The following MAGI2 variants were observed in gnomAD, a reference collection of about 807,000 sequenced individuals.
MAGI2 encodes the protein membrane-associated guanylate kinase, WW and PDZ domain-containing protein 2.
Under a neutral mutation model 133.3 loss-of-function variants are expected in MAGI2, and 35 were observed. The ratio of observed to expected loss-of-function variants is 0.26; its 90% CI spans 0.20 to 0.35. MAGI2 has a LOEUF of 0.35. MAGI2 is among the 10% of genes least tolerant of loss of function. The pLI, the probability that MAGI2 is intolerant of heterozygous loss-of-function variation, is 1.00. For missense variants in MAGI2, 1,636 were observed against 1,863.4 expected (o/e 0.88, Z 2.25); for synonymous variants, 729 against 710.6 (o/e 1.03, Z -0.41).
At chr7:78,905,275 G>T (rs1372844322) in intron 2 of MAGI2, among the ~76,000 whole-genome samples, 1 of 152,128 alleles carries the variant, frequency 6.6e-6, no homozygotes, top group Non-Finnish European at 1.5e-5. Flanking sequence ...ACCGTGCCGT[G>T]CAAGCCAAAA....
intron 6 of MAGI2, among the ~76,000 whole-genome samples, chr7:78,480,688 A>G (rs1204826445): frequency 6.6e-6 from 1 of 151,894 alleles, no homozygotes; most frequent in Non-Finnish European, 1.5e-5. Context: ...GAAATCTACC[A>G]AAAAATTTCC....
chr7:78,571,104 T>C (rs1280505694), intron 3 of MAGI2, among the ~76,000 whole-genome samples: 1 of 152,234 alleles, frequency 6.6e-6, no homozygotes, highest in East Asian at 1.9e-4. Flanking sequence ...TCTGTCATGT[T>C]GATTTAGTTT....
rs1355081151 is a variant in MAGI2, at chr7:78,346,022, C to A, written c.1125G>T (p.Gln375His). ...YYVDHINRRT[Q>H]FENPVLEAKR... Reference sequence around the variant, plus strand: ...TTGCTTCCAGGACAGGATTTTCAAACTGTGTTCTTCTATTTATGTGGCTAA... The same window carrying A: ...TTGCTTCCAGGACAGGATTTTCAAAATGTGTTCTTCTATTTATGTGGCTAA... The change falls in exon 8 of 22, where the codon CAG (glutamine) becomes CAT (histidine). Residue 375 changes from glutamine to histidine, a missense_variant. Physicochemically the swap from Gln to His is conservative, Grantham distance 24. Around this residue, in one of 5 missense-constraint regions of MAGI2, gnomAD observed 920 missense variants for 1,093.5 expected, o/e 0.84. Coordinates refer to ENST00000354212, the MANE Select transcript of MAGI2 (RefSeq NM_012301.4). The A allele has an allele frequency of 1.9e-6, 3 of 1,613,938 alleles. No individual in the cohort carries two copies. The highest frequency in any genetic ancestry group is 3.3e-5 in the Admixed American group (2 of 59,990).
At chr7:79,088,466 A>C (rs1180928823) in intron 1 of MAGI2, among the ~76,000 whole-genome samples, 1 of 152,096 alleles carries the variant, frequency 6.6e-6, no homozygotes, top group Non-Finnish European at 1.5e-5. Context: ...AACAGAGACA[A>C]TTTGACTTCC....
At chr7:78,725,876 C>G (rs1024620601) in intron 2 of MAGI2, among the ~76,000 whole-genome samples, 1 of 152,078 alleles carries the variant, frequency 6.6e-6, no homozygotes, top group Non-Finnish European at 1.5e-5. Flanking sequence ...AGCTCATGAC[C>G]CAGCTCTTTT....
intron 1 of MAGI2, among the ~76,000 whole-genome samples, chr7:79,311,837 G>T (rs1436159292): frequency 1.3e-5 from 2 of 151,878 alleles, no homozygotes; most frequent in East Asian, 1.9e-4. Flanking sequence ...ACTCTATACC[G>T]CAAGCTACTT....
chr7:78,381,610 A>G (rs1299144985), intron 6 of MAGI2, among the ~76,000 whole-genome samples: 1 of 152,214 alleles, frequency 6.6e-6, no homozygotes, highest in Non-Finnish European at 1.5e-5. Context: ...GGAAGGGAAA[A>G]AAACCTAACC....
chr7:79,066,471 T>G (rs959806004), intron 1 of MAGI2, among the ~76,000 whole-genome samples: 2 of 152,112 alleles, frequency 1.3e-5, no homozygotes, highest in Non-Finnish European at 2.9e-5. Flanking sequence ...TATTAGCCCT[T>G]TTTCAGATGG....
At chr7:78,200,559 A>G (rs116007136) in intron 11 of MAGI2, among the ~76,000 whole-genome samples, 29 of 152,234 alleles carry the variant, frequency 1.9e-4, no homozygotes, top group African/African-American at 6.7e-4. Context: ...GCTTAAATAT[A>G]CGTGTGTGTG....
intron 1 of MAGI2, among the ~76,000 whole-genome samples, chr7:79,249,554 A>T (rs1833079351): frequency 6.6e-6 from 1 of 152,320 alleles, no homozygotes; most frequent in African/African-American, 2.4e-5. Flanking sequence ...CCTAGAAAAT[A>T]GGATGAATTC....
At chr7:79,304,416 C>A (rs1459057029) in intron 1 of MAGI2, among the ~76,000 whole-genome samples, 1 of 98,394 alleles carries the variant, frequency 1.0e-5, no homozygotes, top group Non-Finnish European at 2.7e-5. Context: ...TTTTTTCTTC[C>A]TTAGATACTC....
intron 7 of MAGI2, chr7:78,352,853 A>G (rs1459578663): frequency 6.6e-6 from 1 of 152,214 alleles, no homozygotes; most frequent in Non-Finnish European, 1.5e-5. Context: ...TTATATATAA[A>G]GGAAGATTCA....
chr7:78,469,734 G>T (rs916013801), intron 6 of MAGI2, among the ~76,000 whole-genome samples: 13 of 152,162 alleles, frequency 8.5e-5, no homozygotes, highest in African/African-American at 3.1e-4. Context: ...CTTTACCTCT[G>T]GGATGAGATT....
chr7:78,671,613 C>T (rs1385385771), intron 2 of MAGI2, among the ~76,000 whole-genome samples: 1 of 152,122 alleles, frequency 6.6e-6, no homozygotes, highest in African/African-American at 2.4e-5. Context: ...TACCCTCAAA[C>T]TTGATAATCA....
chr7:78,606,833 TTTTC>T (rs1611034), intron 3 of MAGI2, among the ~76,000 whole-genome samples: 93,986 of 151,466 alleles, frequency 0.62, 29,655 homozygotes, highest in Middle Eastern at 0.73. Context: ...CCTCCCACAA[TTTTC>T]TTTATGTTTT....
chr7:78,661,018 G>A (rs773203877), intron 2 of MAGI2, among the ~76,000 whole-genome samples: 2 of 152,008 alleles, frequency 1.3e-5, no homozygotes, highest in Non-Finnish European at 2.9e-5. Context: ...GTCCACTCCC[G>A]TCGTTCTATT....
At chr7:78,137,956 A>T (rs1822338704) in intron 16 of MAGI2, among the ~76,000 whole-genome samples, 1 of 152,174 alleles carries the variant, frequency 6.6e-6, no homozygotes, top group Non-Finnish European at 1.5e-5. Flanking sequence ...ATATGTATAT[A>T]TATGTTTAAA....
chr7:78,407,938 T>C (rs1277022014), intron 6 of MAGI2, among the ~76,000 whole-genome samples: 1 of 151,898 alleles, frequency 6.6e-6, no homozygotes, highest in Non-Finnish European at 1.5e-5. Flanking sequence ...CGGAACCTTG[T>C]ACTTTGTTGC....
rs1348571514 is a variant in MAGI2 at position 78,638,631 on chromosome 7, CCTAA to C, written c.419-11396_419-11393del. The stretch of plus-strand genomic sequence containing the variant: ...TCTTACAATATACAGGTATAACATA[CCTAA>C]CTAACTCCAGGACAGATCAACACTG... On this transcript the variant is annotated intron_variant, in intron 2 of 21. Transcript: ENST00000354212. Among the ~76,000 whole-genome samples the C allele has an allele frequency of 3.9e-5, 6 of 152,090 alleles. No homozygotes were observed. The South Asian group carries it at 1.0e-3, about 26-fold the overall frequency.
Sources: allele counts gnomAD v4.1 joint callset (sites outside exome capture counted in the v4.1 genomes callset), GRCh38; gene constraint gnomAD v4.1.1; regional missense constraint gnomAD v4.1.1; transcripts MANE v1.5; gene names NCBI Gene and HGNC (gene_info 2026-07-23, HGNC 2026-07-21).